Variants in MAP2K1 observed in about 807,000 individuals in gnomAD.
MAP2K1 encodes mitogen-activated protein kinase kinase 1.
MAP2K1 carries 16 observed loss-of-function variants against 46.3 expected under a neutral mutation model. That is an observed-to-expected ratio of 0.35 (90% CI 0.23 to 0.52). The LOEUF (loss-of-function observed/expected upper bound fraction) is 0.52. Ranked by LOEUF, MAP2K1 falls within the 20% of genes least tolerant of loss-of-function variation. The probability of loss-of-function intolerance (pLI) is 0.94; values close to 1 mark genes in which losing one functional copy is unlikely to be tolerated. For missense variants in MAP2K1, 263 were observed against 497.1 expected, an observed-to-expected ratio of 0.53 and a Z score of 4.48; for synonymous variants, 183 against 185.6, an observed-to-expected ratio of 0.99 and a Z score of 0.11.
intron 1 of MAP2K1, among the ~76,000 whole-genome samples, chr15:66,412,796 C>T (rs2093414554): frequency 6.6e-6 from 1 of 152,172 alleles, no homozygotes; most frequent in African/African-American, 2.4e-5. Context: ...GGCTTCAAGC[C>T]ATCCTTACAT....
At chr15:66,418,369 T>C (rs1567001895) in intron 1 of MAP2K1, among the ~76,000 whole-genome samples, 1 of 152,222 alleles carries the variant, frequency 6.6e-6, no homozygotes, top group African/African-American at 2.4e-5. Flanking sequence ...TTCTCCCTCA[T>C]TGAAGAGCAA....
intron 1 of MAP2K1, among the ~76,000 whole-genome samples, chr15:66,389,000 G>A (rs562139620): frequency 3.5e-5 from 5 of 144,118 alleles, no homozygotes; most frequent in African/African-American, 7.9e-5. Flanking sequence ...TCTGCCTCCC[G>A]GGTTCAAGCG....
chr15:66,461,342 G>A (rs889997091), intron 5 of MAP2K1, among the ~76,000 whole-genome samples: 2 of 151,900 alleles, frequency 1.3e-5, no homozygotes, highest in Admixed American at 6.6e-5. Context: ...AAAATTAGCC[G>A]GGTGTGGTGG....
At chr15:66,394,963 T>C (rs1198106446) in intron 1 of MAP2K1, among the ~76,000 whole-genome samples, 2 of 152,204 alleles carry the variant, frequency 1.3e-5, no homozygotes, top group African/African-American at 2.4e-5. Flanking sequence ...GTCTTAAAGA[T>C]GATTTAGCCC....
In MAP2K1 at chr15:66,407,703, G is replaced by T. The variant is rs1038778091; in HGVS notation, c.80+20276G>T. Among the ~76,000 whole-genome samples, 3 of 152,350 alleles carry T rather than the reference G, an allele frequency of 2.0e-5. No homozygotes were observed. The South Asian group carries it at 6.2e-4, about 32-fold the overall frequency. ...GGGCTACAAAGAAGGGTTAAAGCTA[G>T]ATATGGCTCATGCCTGTATTTCCAG... is the stretch of plus-strand genomic sequence containing the variant. On this transcript the variant is annotated intron_variant, in intron 1 of 10. Coordinates refer to ENST00000307102, the MANE Select transcript of MAP2K1 (RefSeq NM_002755.4).
At chr15:66,488,751 C>T (rs1006174655) in intron 8 of MAP2K1, 1 of 185,452 alleles carries the variant, frequency 5.4e-6, no homozygotes, top group Admixed American at 5.5e-5. Flanking sequence ...TGCTGTCAGA[C>T]CTGGGCTATG....
rs1893065532 is a variant in MAP2K1 at position 66,487,300 on chromosome 15, C to A, written c.960+8C>A. The A allele has an allele frequency of 6.2e-7, 1 of 1,613,646 alleles. No individual in the cohort carries two copies. Among genetic ancestry groups the A allele is most frequent in the African/African-American group, 1.3e-5 (1 of 74,924 alleles). On this transcript the variant is annotated splice_region_variant and intron_variant, in intron 8 of 10. Coordinates refer to ENST00000307102, the MANE Select transcript of MAP2K1 (RefSeq NM_002755.4). ...GATTACATAGTCAACGAGGTAAGTA[C>A]TGCCTGGTTTCCTTCACCTTGGAAT...
chr15:66,420,732 T>A (rs2093436570), intron 1 of MAP2K1, among the ~76,000 whole-genome samples: 1 of 46,852 alleles, frequency 2.1e-5, no homozygotes, highest in East Asian at 4.1e-4. Context: ...TGTGTGTGTG[T>A]GTGTGTGTGT....
At chr15:66,461,476 C>CTAAATAAA (rs10641341) in intron 5 of MAP2K1, among the ~76,000 whole-genome samples, 3,915 of 140,150 alleles carry the variant, frequency 0.028, 68 homozygotes, top group South Asian at 0.044. Context: ...GACTCTGTCT[C>CTAAATAAA]TAAATAAATA....
chr15:66,490,164 G>A (rs1893200292), intron 10 of MAP2K1: 1 of 512,962 alleles, frequency 1.9e-6, no homozygotes, highest in Non-Finnish European at 3.5e-6. Flanking sequence ...TATCTGGACA[G>A]CCATAGACGG....
intron 5 of MAP2K1, among the ~76,000 whole-genome samples, chr15:66,471,403 T>A (rs747745280): frequency 1.3e-5 from 2 of 152,212 alleles, no homozygotes; most frequent in African/African-American, 2.4e-5. Flanking sequence ...GGAGTTACTA[T>A]TCCCACCTGA....
chr15:66,449,017 A>C (rs1263778365), intron 5 of MAP2K1, among the ~76,000 whole-genome samples: 1 of 150,892 alleles, frequency 6.6e-6, no homozygotes, highest in African/African-American at 2.4e-5. Context: ...AAAAAAAAAA[A>C]AAAAAAAAAA....
chr15:66,399,105 A>C (rs2093375425), intron 1 of MAP2K1, among the ~76,000 whole-genome samples: 1 of 152,190 alleles, frequency 6.6e-6, no homozygotes, highest in Admixed American at 6.5e-5. Context: ...ATGATGGTAC[A>C]GATATTATAT....
chr15:66,433,134 C>T (rs966117542), intron 1 of MAP2K1, among the ~76,000 whole-genome samples: 1 of 152,072 alleles, frequency 6.6e-6, no homozygotes, highest in African/African-American at 2.4e-5. Flanking sequence ...CAGTAAGCTC[C>T]TTTGTGGGGA....
In MAP2K1 at chr15:66,468,961, A is replaced by C. The variant is rs1595878600; in HGVS notation, c.569-12794A>C. Among the ~76,000 whole-genome samples the C allele has an allele frequency of 2.0e-5, 3 of 150,624 alleles. No individual in the cohort carries two copies. The Admixed American group carries it at 2.0e-4, about 10-fold the overall frequency. ...AGAGCAAGACTCCGTCTCAAAAAAA[A>C]AAATTTTTTTTTTTGGCTGAGCACA... On this transcript the variant is annotated intron_variant, in intron 5 of 10. Transcript: ENST00000307102.
At position 66,403,958 on chromosome 15, in the gene MAP2K1, T is replaced by G. The variant is rs544149321; in HGVS notation, c.80+16531T>G. Reference sequence around the variant, plus strand: ...AAGAATTCCAAGCTCACTGTAAACCTTTTGTTTAATGGTTTACTCAAATCC... The same window carrying G: ...AAGAATTCCAAGCTCACTGTAAACCGTTTGTTTAATGGTTTACTCAAATCC... On this transcript the variant is annotated intron_variant, in intron 1 of 10. Transcript: ENST00000307102. 2.6e-4 allele frequency among the ~76,000 whole-genome samples: 40 copies of G among 152,290 alleles called. 1 individual carries two copies. In the South Asian group the frequency reaches 5.8e-3, roughly 22 times the overall value.
rs774745429 is a variant in MAP2K1, at chr15:66,429,667, CCCCCCCCCCCCGT to C, written c.81-5352_81-5340del. 8.6e-3 allele frequency among the ~76,000 whole-genome samples: 290 copies of C among 33,626 alleles called. 37 individuals carry two copies. The highest frequency in any genetic ancestry group is 0.017 in the Non-Finnish European group (242 of 14,046). The allele number at this position is 33,626 out of a possible 152,430, so 22.1% of individuals were successfully genotyped here. Reference sequence around the variant, plus strand: ...GCCACTGGGTCTGCACTGCGGCGCCCCCCCCCCCCCCGTCCCCCCCAACACAGATGGGCTAGCC... The same window carrying C: ...GCCACTGGGTCTGCACTGCGGCGCCCCCCCCCCAACACAGATGGGCTAGCC... On this transcript the variant is annotated intron_variant, in intron 1 of 10. Coordinates refer to ENST00000307102, the MANE Select transcript of MAP2K1 (RefSeq NM_002755.4).
chr15:66,477,598 A>G (rs999747135), intron 5 of MAP2K1, among the ~76,000 whole-genome samples: 1 of 152,254 alleles, frequency 6.6e-6, no homozygotes, highest in Admixed American at 6.5e-5. Flanking sequence ...TCACGGCTGC[A>G]TGTAGAGTAA....
intron 1 of MAP2K1, among the ~76,000 whole-genome samples, chr15:66,397,779 A>G (rs1320765981): frequency 6.6e-6 from 1 of 152,150 alleles, no homozygotes; most frequent in Non-Finnish European, 1.5e-5. Flanking sequence ...GATGTGGAAC[A>G]TTCTCTAAGA....
Sources: gnomAD v4.1 joint callset for allele counts (sites outside exome capture counted in the v4.1 genomes callset) on GRCh38, gnomAD v4.1.1 for gene constraint, MANE v1.5 for transcripts, NCBI Gene and HGNC (gene_info 2026-07-23, HGNC 2026-07-21) for gene names.